The following B3GNT2 variants were observed in gnomAD, a reference collection of about 807,000 sequenced individuals.
The protein encoded by B3GNT2 is UDP-GlcNAc:betaGal beta-1,3-N-acetylglucosaminyltransferase 2.
B3GNT2 carries 12 observed loss-of-function variants against 27.6 expected under a neutral mutation model. The ratio of observed to expected loss-of-function variants is 0.44; its 90% CI spans 0.28 to 0.71. B3GNT2 has a LOEUF of 0.71. Among genes scored for constraint, B3GNT2 ranks in the 30% least tolerant of loss-of-function variants. The pLI is 0.17. For synonymous variants in B3GNT2, 192 were observed against 189.7 expected (o/e 1.01, Z -0.10); for missense variants, 413 against 488.5 (o/e 0.85, Z 1.46).
chr2:62,209,867 A>G (rs1674447633), intron 1 of B3GNT2, among the ~76,000 whole-genome samples: 1 of 152,156 alleles, frequency 6.6e-6, no homozygotes, highest in Non-Finnish European at 1.5e-5. Flanking sequence ...GTTTAAGACG[A>G]GGCTAGTTTA....
chr2:62,201,750 T>C (rs1376616416), intron 1 of B3GNT2, among the ~76,000 whole-genome samples: 1 of 152,252 alleles, frequency 6.6e-6, no homozygotes, highest in Non-Finnish European at 1.5e-5. Context: ...CTCACCACTA[T>C]AACTACATTA....
At chr2:62,208,501 G>A (rs1348906220) in intron 1 of B3GNT2, among the ~76,000 whole-genome samples, 1 of 152,080 alleles carries the variant, frequency 6.6e-6, no homozygotes, top group African/African-American at 2.4e-5. Context: ...GTACTGCCTT[G>A]AGATGACACC....
intron 1 of B3GNT2, among the ~76,000 whole-genome samples, chr2:62,209,686 G>C (rs545359854): frequency 6.6e-6 from 1 of 152,114 alleles, no homozygotes; most frequent in Non-Finnish European, 1.5e-5. Flanking sequence ...GGTAACGCTG[G>C]TTCTTTGATC....
intron 1 of B3GNT2, among the ~76,000 whole-genome samples, chr2:62,204,915 A>G (rs553368886): frequency 6.6e-6 from 1 of 152,244 alleles, no homozygotes; most frequent in South Asian, 2.1e-4. Context: ...CTTTATTTTC[A>G]TCTCTACCCC....
chr2:62,222,945 T>C lies in B3GNT2; in HGVS notation c.725T>C (p.Phe242Ser). The C allele has an allele frequency of 6.2e-7, 1 of 1,614,214 alleles. No individual in the cohort carries two copies. Among genetic ancestry groups the C allele is most frequent in the Non-Finnish European group, 8.5e-7 (1 of 1,180,038 alleles). The change falls in exon 2 of 2, where the codon TTC (phenylalanine) becomes TCC (serine). Residue 242 changes from phenylalanine to serine, a missense_variant. Transcript: ENST00000301998. The surrounding 1 kb of genome is among the most constrained non-coding windows in gnomAD (Gnocchi z 4.2). ...STSCPDTEFVFKGDDDVFVNT... is the reference protein window; with the variant it reads ...STSCPDTEFVSKGDDDVFVNT... ...TCCTGCCCAGACACTGAGTTTGTTT[T>C]CAAGGGCGATGACGATGTTTTTGTG... is the stretch of plus-strand genomic sequence containing the variant.
intron 1 of B3GNT2, among the ~76,000 whole-genome samples, chr2:62,207,256 C>T (rs1210678126): frequency 3.9e-5 from 6 of 151,960 alleles, no homozygotes; most frequent in South Asian, 2.1e-4. Flanking sequence ...CTGGGTACAC[C>T]GCAACCTCTG....
rs1362036182 is a variant in B3GNT2 at position 62,223,532 on chromosome 2, C to G, written c.*118C>G. 11 of 864,708 alleles carry G rather than the reference C, an allele frequency of 1.3e-5. No homozygotes were observed. The Admixed American group carries it at 3.2e-4, about 25-fold the overall frequency. 53.6% of individuals were successfully genotyped at this position (864,708 alleles called of 1,614,324 possible). A position where few individuals can be genotyped will look rare whatever the true frequency, so the allele number is the denominator to read the frequency against. On this transcript the variant is annotated 3_prime_UTR_variant, in exon 2 of 2. Transcript: ENST00000301998. ...TGAAAATTGCCTTTATGAGTGATAC[C>G]CATTTGAGGGCCTCTAAACCCTTCA... is the stretch of plus-strand genomic sequence containing the variant.
intron 1 of B3GNT2, among the ~76,000 whole-genome samples, chr2:62,204,924 C>T (rs1674342196): frequency 6.6e-6 from 1 of 152,176 alleles, no homozygotes; most frequent in African/African-American, 2.4e-5. Context: ...CATCTCTACC[C>T]CACTCACGAC....
At chr2:62,209,094 G>A (rs571352816) in intron 1 of B3GNT2, among the ~76,000 whole-genome samples, 6 of 152,224 alleles carry the variant, frequency 3.9e-5, no homozygotes, top group Admixed American at 6.5e-5. Context: ...GGGTTCAAGC[G>A]CCTCAGCCTT....
At chr2:62,197,451 G>T (rs895201679) in intron 1 of B3GNT2, among the ~76,000 whole-genome samples, 1 of 152,186 alleles carries the variant, frequency 6.6e-6, no homozygotes, top group South Asian at 2.1e-4. Context: ...GCGCTCTTCT[G>T]CCCAAAACGT....
chr2:62,208,242 A>C (rs1573262282), intron 1 of B3GNT2, among the ~76,000 whole-genome samples: 1 of 79,590 alleles, frequency 1.3e-5, no homozygotes. Context: ...CTTCCCCCCC[A>C]ATCTCTACAC....
At position 62,222,161 on chromosome 2, in the gene B3GNT2, CA is replaced by C; in HGVS notation, c.-9-48del. 6.9e-7 allele frequency: 1 copy of C among 1,459,386 alleles called. No homozygotes were observed. 90.4% of individuals were successfully genotyped at this position (1,459,386 alleles called of 1,614,324 possible). A position where few individuals can be genotyped will look rare whatever the true frequency, so the allele number is the denominator to read the frequency against. On this transcript the variant is annotated intron_variant, in intron 1 of 1. Transcript: ENST00000301998. The surrounding 1 kb of genome is among the most constrained non-coding windows in gnomAD (Gnocchi z 4.2). Reference sequence around the variant, plus strand: ...AGACAGGTAAAATAAATTGTATGTGCAAATGCAAATTGATAAGTAATTGATA... The same window carrying C: ...AGACAGGTAAAATAAATTGTATGTGCAATGCAAATTGATAAGTAATTGATA...
At chr2:62,209,158 A>T (rs1316491837) in intron 1 of B3GNT2, among the ~76,000 whole-genome samples, 5 of 152,078 alleles carry the variant, frequency 3.3e-5, no homozygotes, top group Non-Finnish European at 7.4e-5. Context: ...ATTTCGGGCC[A>T]TTGGCTCTTC....
chr2:62,216,257 T>C (rs1162916931), intron 1 of B3GNT2, among the ~76,000 whole-genome samples: 1 of 152,140 alleles, frequency 6.6e-6, no homozygotes, highest in Non-Finnish European at 1.5e-5. Context: ...GTTTCAGTAT[T>C]TGAGTCCTAA....
At chr2:62,213,132 G>A (rs1674511161) in intron 1 of B3GNT2, among the ~76,000 whole-genome samples, 1 of 152,144 alleles carries the variant, frequency 6.6e-6, no homozygotes, top group Non-Finnish European at 1.5e-5. Flanking sequence ...GCAACATGAG[G>A]AGACCTCGTC....
chr2:62,200,010 G>A (rs189887523), intron 1 of B3GNT2, among the ~76,000 whole-genome samples: 24 of 152,288 alleles, frequency 1.6e-4, no homozygotes, highest in Admixed American at 1.2e-3. Flanking sequence ...GGCTTATGTG[G>A]CACAATTACT....
intron 1 of B3GNT2, among the ~76,000 whole-genome samples, chr2:62,203,618 A>C (rs1315261784): frequency 6.6e-6 from 1 of 151,862 alleles, no homozygotes; most frequent in Non-Finnish European, 1.5e-5. Flanking sequence ...GGTGAGGGGG[A>C]TTGGGAGGGT....
At chr2:62,217,223 C>T (rs575158450) in intron 1 of B3GNT2, among the ~76,000 whole-genome samples, 26 of 152,314 alleles carry the variant, frequency 1.7e-4, no homozygotes, top group East Asian at 1.2e-3. Flanking sequence ...TCAGTTCCTG[C>T]GGTCATAACC....
intron 1 of B3GNT2, among the ~76,000 whole-genome samples, chr2:62,214,291 T>G (rs1023196883): frequency 6.6e-6 from 1 of 152,016 alleles, no homozygotes; most frequent in Non-Finnish European, 1.5e-5. Flanking sequence ...AAGACATATT[T>G]GGGAACATAG....
Sources: allele counts gnomAD v4.1 joint callset (sites outside exome capture counted in the v4.1 genomes callset), GRCh38; gene constraint gnomAD v4.1.1; non-coding constraint Gnocchi (gnomAD v3.1); transcripts MANE v1.5; gene names NCBI Gene and HGNC (gene_info 2026-07-23, HGNC 2026-07-21).